The following DCAF1 variants were observed in gnomAD, a reference collection of about 807,000 sequenced individuals.
DCAF1 encodes the protein DDB1- and CUL4-associated factor 1.
Under a neutral mutation model 128.0 loss-of-function variants are expected in DCAF1, and 15 were observed. The observed-to-expected ratio is 0.12, with a 90% confidence interval of 0.08 to 0.18. The LOEUF is 0.18. Among genes scored for constraint, DCAF1 ranks in the 10% least tolerant of loss-of-function variants. DCAF1 has a pLI of 1.00. For missense variants in DCAF1, 988 were observed against 1,649.5 expected, an observed-to-expected ratio of 0.60 and a Z score of 6.95; for synonymous variants, 610 against 603.0, an observed-to-expected ratio of 1.01 and a Z score of -0.17.
At chr3:51,441,305 A>G in intron 8 of DCAF1, 80 bp downstream of exon 8, 1 of 1,464,108 alleles carries the variant, frequency 6.8e-7, no homozygotes, top group Non-Finnish European at 9.1e-7. Flanking sequence ...ATATCTTTGT[A>G]TAAAATACTA....
intron 12 of DCAF1, among the ~76,000 whole-genome samples, chr3:51,428,248 C>G (rs1369659431): frequency 6.6e-6 from 1 of 151,324 alleles, no homozygotes; most frequent in African/African-American, 2.4e-5. Context: ...ATAGCCCGAT[C>G]ACGTGCGGCC....
chr3:51,456,800 C>G (rs1038292841), intron 6 of DCAF1, among the ~76,000 whole-genome samples: 1 of 152,190 alleles, frequency 6.6e-6, no homozygotes, highest in Non-Finnish European at 1.5e-5. Context: ...CCCAGGCAAA[C>G]AGGGTCTGAA....
intron 2 of DCAF1, among the ~76,000 whole-genome samples, chr3:51,488,581 T>G (rs1472377318): frequency 6.6e-6 from 1 of 152,128 alleles, no homozygotes; most frequent in Non-Finnish European, 1.5e-5. Context: ...GGCAGGCAGA[T>G]CACCTGAGGT....
At chr3:51,477,472 A>G (rs1207898455) in intron 3 of DCAF1, among the ~76,000 whole-genome samples, 3 of 151,980 alleles carry the variant, frequency 2.0e-5, no homozygotes, top group Non-Finnish European at 2.9e-5. Context: ...AAAAAAAAAA[A>G]AAAATACAAA....
intron 9 of DCAF1, chr3:51,437,399 C>T: frequency 2.0e-6 from 1 of 509,996 alleles, no homozygotes; most frequent in South Asian, 1.4e-5. Flanking sequence ...CCCCACTTAT[C>T]CATGATGACT....
intron 23 of DCAF1, among the ~76,000 whole-genome samples, chr3:51,407,171 A>C (rs898637435): frequency 6.6e-5 from 10 of 151,046 alleles, no homozygotes; most frequent in East Asian, 1.9e-4. Context: ...AAAAAAAAAA[A>C]AAAAAAAACA....
chr3:51,500,874 C>T (rs544709661), upstream of DCAF1, among the ~76,000 whole-genome samples: 82 of 146,164 alleles, frequency 5.6e-4, no homozygotes, highest in Admixed American at 1.6e-3. Flanking sequence ...TGCAGTGGCG[C>T]GATCACAGCT....
At chr3:51,476,522 A>G (rs1553650573) in intron 3 of DCAF1, among the ~76,000 whole-genome samples, 1 of 146,500 alleles carries the variant, frequency 6.8e-6, no homozygotes, top group African/African-American at 2.5e-5. Context: ...ATGGTCTTAC[A>G]AAAAAAAAAT....
At chr3:51,452,166 C>CAGACTCCCA (rs1270353548) in intron 6 of DCAF1, among the ~76,000 whole-genome samples, 2 of 152,024 alleles carry the variant, frequency 1.3e-5, no homozygotes, top group Non-Finnish European at 2.9e-5. Flanking sequence ...CTTCCCACCT[C>CAGACTCCCA]AGACTCCCAA....
chr3:51,419,702 T>C (rs1699226099), intron 15 of DCAF1, 32 bp downstream of exon 15: 2 of 1,559,322 alleles, frequency 1.3e-6, no homozygotes, highest in Non-Finnish European at 1.7e-6. Flanking sequence ...ATCATTCCAA[T>C]TCCCAGGGAG....
intron 9 of DCAF1, 31 bp downstream of exon 9, chr3:51,440,939 C>T: frequency 6.4e-7 from 1 of 1,553,834 alleles, no homozygotes. Context: ...TTAAAAAATC[C>T]CCGGTGACCC....
At chr3:51,490,850 C>T (rs1707549625) in intron 2 of DCAF1, among the ~76,000 whole-genome samples, 1 of 151,994 alleles carries the variant, frequency 6.6e-6, no homozygotes, top group South Asian at 2.1e-4. Flanking sequence ...CACTTGAACC[C>T]AAGAGGCAGA....
At position 51,418,555 on chromosome 3, in the gene DCAF1, T is replaced by C. The variant is rs373760531; in HGVS notation, c.3435+123A>G. 1.2e-5 allele frequency: 18 copies of C among 1,461,928 alleles called. No individual in the cohort carries two copies. The African/African-American group carries it at 2.6e-4, about 21-fold the overall frequency. 90.6% of individuals were successfully genotyped at this position (1,461,928 alleles called of 1,614,324 possible). On this transcript the variant is annotated intron_variant, in intron 16 of 24. Transcript: ENST00000684031. ...ATCTGAAATATGAATTAACCTCAAC[T>C]AGACTTTCCAGTTGAGGACTCATTT...
At chr3:51,446,855 G>A (rs1553640303) in intron 6 of DCAF1, among the ~76,000 whole-genome samples, 1 of 151,060 alleles carries the variant, frequency 6.6e-6, no homozygotes, top group African/African-American at 2.4e-5. Context: ...CAGCTACTCA[G>A]AAGGCTGAGG....
intron 6 of DCAF1, among the ~76,000 whole-genome samples, chr3:51,461,062 G>T (rs1457891952): frequency 2.0e-5 from 3 of 151,624 alleles, no homozygotes; most frequent in Admixed American, 6.6e-5. Context: ...TTGACAAATG[G>T]GATCTAATTA....
intron 9 of DCAF1, chr3:51,437,525 A>T (rs1300381318): frequency 2.8e-6 from 1 of 355,316 alleles, no homozygotes; most frequent in Non-Finnish European, 5.7e-6. Flanking sequence ...TATAAAATGT[A>T]TAACAGGGGG....
chr3:51,437,266 C>CAAAAAAAAAA (rs71633071), intron 9 of DCAF1: 242 of 256,216 alleles, frequency 9.4e-4, no homozygotes, highest in Non-Finnish European at 1.1e-3. Context: ...GACTCCATGT[C>CAAAAAAAAAA]AAAAAAAAAA....
intron 7 of DCAF1, among the ~76,000 whole-genome samples, chr3:51,442,752 C>A (rs1184513235): frequency 2.0e-5 from 3 of 151,890 alleles, no homozygotes; most frequent in Non-Finnish European, 2.9e-5. Context: ...CTTTGAACTG[C>A]GTTTTTTAAA....
At chr3:51,407,210 C>T (rs1270256568) in intron 23 of DCAF1, among the ~76,000 whole-genome samples, 1 of 151,144 alleles carries the variant, frequency 6.6e-6, no homozygotes, top group African/African-American at 2.4e-5. Context: ...AAATCTGATC[C>T]TGACCTTTAT....
Sources: allele counts gnomAD v4.1 joint callset (sites outside exome capture counted in the v4.1 genomes callset), GRCh38; gene constraint gnomAD v4.1.1; transcripts MANE v1.5; gene names NCBI Gene and HGNC (gene_info 2026-07-23, HGNC 2026-07-21).